Variants in SLC22A24 observed in about 807,000 individuals in gnomAD.
SLC22A24 encodes the protein steroid transmembrane transporter SLC22A24.
SLC22A24 carries 53 observed loss-of-function variants against 49.8 expected under a neutral mutation model. That is an observed-to-expected ratio of 1.06 (90% confidence interval 0.85 to 1.34). The LOEUF (loss-of-function observed/expected upper bound fraction) is 1.34. Ranked by LOEUF, SLC22A24 falls within the 40% of genes most tolerant of loss-of-function variation. The pLI, the probability that SLC22A24 is intolerant of heterozygous loss-of-function variation, is 0.00. For missense variants in SLC22A24, 786 were observed against 675.9 expected (o/e 1.16, Z -1.81); for synonymous variants, 302 against 256.4 (o/e 1.18, Z -1.70).
At position 63,143,587 on chromosome 11, in the gene SLC22A24, C is replaced by G. The variant is rs370028693; in HGVS notation, c.193G>C (p.Gly65Arg). The G allele has an allele frequency of 1.9e-6, 3 of 1,569,312 alleles. No individual in the cohort carries two copies. The highest frequency in any genetic ancestry group is 2.6e-6 in the Non-Finnish European group (3 of 1,158,850). ...AGGAGGTCATCCTTGCTGAGGGTCC[C>G]GGTATCATTGTCAGACACAGTGTCA... ...DNDTVSDNDT[G>R]TLSKDDLLRI... is the part of the protein sequence containing the mutation. The change falls in exon 1 of 10, where the codon GGG becomes CGG. Residue 65 changes from glycine to arginine, a missense_variant. Coordinates refer to ENST00000612278, the MANE Select transcript of SLC22A24 (RefSeq NM_001136506.2).
intron 6 of SLC22A24, among the ~76,000 whole-genome samples, chr11:63,084,409 A>G (rs1297079668): frequency 6.6e-6 from 1 of 152,192 alleles, no homozygotes; most frequent in Non-Finnish European, 1.5e-5. Flanking sequence ...CCTCTGTGGA[A>G]AGAGGAAAGG....
At chr11:63,096,142 A>ATGTGTTGTGTG (rs2087053581) in intron 5 of SLC22A24, 36 bp from the exon 6 acceptor site, 1 of 1,300,750 alleles carries the variant, frequency 7.7e-7, no homozygotes, top group Non-Finnish European at 1.1e-6. Context: ...CATTTGTGAG[A>ATGTGTTGTGTG]TGTCAATAAT....
chr11:63,101,134 A>G (rs1389421984), intron 5 of SLC22A24, among the ~76,000 whole-genome samples: 1 of 152,090 alleles, frequency 6.6e-6, no homozygotes. Flanking sequence ...GGGAGAAAAT[A>G]TTTGCAAACT....
rs889766705 is a variant in SLC22A24, at chr11:63,081,094, G to A, written c.1424C>T (p.Ser475Phe). The change falls in exon 9 of 10, where the codon TCC becomes TTC. Residue 475 changes from serine (S) to phenylalanine (F), a missense_variant. By Grantham distance (155) the Ser-to-Phe change is radical (BLOSUM62 -2). Coordinates refer to ENST00000612278, the MANE Select transcript of SLC22A24 (RefSeq NM_001136506.2). ...RSTVAGINAV[S>F]GRTGAALAPL... ...AGCCAGTGCTGCCCCAGTCCTACCG[G>A]ACACTGCATTGATTCCTGCAACTGT... 29 of 1,551,482 alleles carry A rather than the reference G, an allele frequency of 1.9e-5. No homozygotes were observed. Among genetic ancestry groups the A allele is most frequent in the Non-Finnish European group, 2.3e-5 (26 of 1,146,926 alleles).
rs981510296 is a variant in SLC22A24 at position 63,143,241 on chromosome 11, C to T, written c.402+137G>A. On this transcript the variant is annotated intron_variant, in intron 1 of 9. Coordinates refer to ENST00000612278, the MANE Select transcript of SLC22A24 (RefSeq NM_001136506.2). ...AGTATTAATAGATAATCAGGTGCTG[C>T]CACCTGCTAAAGGAATGAAGAATGA... is the stretch of plus-strand genomic sequence containing the variant. The T allele has an allele frequency of 3.8e-5, 23 of 609,444 alleles. No individual in the cohort carries two copies. In the East Asian group the frequency reaches 7.5e-4, roughly 20 times the overall value. The allele number at this position is 609,444 out of a possible 1,614,324, so 37.8% of individuals were successfully genotyped here. A position where few individuals can be genotyped will look rare whatever the true frequency, so the allele number is the denominator to read the frequency against.
intron 4 of SLC22A24, among the ~76,000 whole-genome samples, chr11:63,111,371 G>C (rs981107438): frequency 6.6e-6 from 1 of 151,870 alleles, no homozygotes; most frequent in Non-Finnish European, 1.5e-5. Flanking sequence ...CATAAAATGA[G>C]TTAGGGAGGA....
At chr11:63,116,228 G>C (rs2087212185) in intron 4 of SLC22A24, 2 of 347,126 alleles carry the variant, frequency 5.8e-6, no homozygotes, top group Non-Finnish European at 1.1e-5. Flanking sequence ...TCAGGAACTT[G>C]GGGTCCACAC....
rs146104176 is a variant in SLC22A24 at position 63,081,774 on chromosome 11, G to T, written c.1286-108C>A. 2,198 of 729,992 alleles carry T rather than the reference G, an allele frequency of 3.0e-3. 12 individuals are homozygous for T. Among genetic ancestry groups the T allele is most frequent in the Non-Finnish European group, 4.7e-3 (1,944 of 413,232 alleles). The allele number at this position is 729,992 out of a possible 1,614,324, so 45.2% of individuals were successfully genotyped here. ...GGAATTTGCAAGTGTGAAATATGTG[G>T]TAGACAAACTGCAACATGCCAGAGA... On this transcript the variant is annotated intron_variant, in intron 7 of 9. Transcript: ENST00000612278.
chr11:63,082,488 G>A (rs528370049), intron 7 of SLC22A24, among the ~76,000 whole-genome samples: 158 of 152,190 alleles, frequency 1.0e-3, no homozygotes, highest in Non-Finnish European at 2.1e-3. Context: ...TGCTCTGGGA[G>A]ATGAGTGGAA....
chr11:63,135,975 G>T (rs188964833), intron 1 of SLC22A24, among the ~76,000 whole-genome samples: 27 of 152,302 alleles, frequency 1.8e-4, no homozygotes, highest in African/African-American at 6.5e-4. Context: ...AGTTGCCAAA[G>T]AACTCAGCGT....
intron 2 of SLC22A24, among the ~76,000 whole-genome samples, chr11:63,121,444 T>C (rs943809720): frequency 2.0e-5 from 3 of 152,080 alleles, no homozygotes; most frequent in Admixed American, 1.3e-4. Context: ...GGGATCACTA[T>C]GAAGAACTAT....
At chr11:63,110,937 G>T (rs1021717285) in intron 4 of SLC22A24, among the ~76,000 whole-genome samples, 1 of 151,700 alleles carries the variant, frequency 6.6e-6, no homozygotes, top group Middle Eastern at 3.2e-3. Context: ...AGTTTTCAAA[G>T]GGAATGCTTC....
rs118061655 is a variant in SLC22A24, at chr11:63,090,627, G to A, written c.1070+5364C>T. Among the ~76,000 whole-genome samples, 1,312 of 148,722 alleles carry A rather than the reference G, an allele frequency of 8.8e-3. 5 individuals are homozygous for A. Among genetic ancestry groups the A allele is most frequent in the Non-Finnish European group, 0.015 (1,004 of 67,422 alleles). On this transcript the variant is annotated intron_variant, in intron 6 of 9. Coordinates refer to ENST00000612278, the MANE Select transcript of SLC22A24 (RefSeq NM_001136506.2). ...CTACTGGGTAAATAATGAAATTAAG[G>A]CAGAAATGAAGTTCTTTGCCCCAGA...
chr11:63,104,452 A>T (rs569020435), intron 4 of SLC22A24, among the ~76,000 whole-genome samples, 154 bp from the exon 5 acceptor site: 1 of 152,260 alleles, frequency 6.6e-6, no homozygotes, highest in South Asian at 2.1e-4. Flanking sequence ...CTGGACTCCT[A>T]GGGTGAAGGA....
At chr11:63,111,225 T>C (rs1156270111) in intron 4 of SLC22A24, among the ~76,000 whole-genome samples, 1 of 151,874 alleles carries the variant, frequency 6.6e-6, no homozygotes, top group Non-Finnish European at 1.5e-5. Context: ...GATAAGCTTT[T>C]TGATGTGCTG....
chr11:63,119,210 A>G lies in SLC22A24; in HGVS notation c.632T>C (p.Met211Thr). 1 of 1,547,572 alleles carries G rather than the reference A, an allele frequency of 6.5e-7. No homozygotes were observed. ...AATAAAAGTGTTTCCCAAAATAGTC[A>G]TGGTGGAGAACCCTGCCAAGAAGCG... ...ILRFLAGFSTMTILGNTFILS... is the reference protein window; with the variant it reads ...ILRFLAGFSTTTILGNTFILS... Residue 211 changes from methionine (M) to threonine (T), a missense_variant, in exon 3 of 10, where the codon ATG becomes ACG. Transcript: ENST00000612278.
chr11:63,109,950 A>G (rs1435911547), intron 4 of SLC22A24, among the ~76,000 whole-genome samples: 1 of 152,132 alleles, frequency 6.6e-6, no homozygotes, highest in Non-Finnish European at 1.5e-5. Context: ...GGTAATGCCT[A>G]GGATTTCTTC....
At chr11:63,140,162 A>G (rs537456504) in intron 1 of SLC22A24, among the ~76,000 whole-genome samples, 1 of 149,390 alleles carries the variant, frequency 6.7e-6, no homozygotes, top group East Asian at 2.0e-4. Flanking sequence ...GCTCATTGCA[A>G]CTGCTGCCTC....
At position 63,118,986 on chromosome 11, in the gene SLC22A24, AG is replaced by A; in HGVS notation, c.755del (p.Ala252ValfsTer12). 6.4e-7 allele frequency: 1 copy of A among 1,551,912 alleles called. No homozygotes were observed. Among genetic ancestry groups the A allele is most frequent in the Non-Finnish European group, 8.7e-7 (1 of 1,147,004 alleles). ...ATATGTGCCAGTCCTGAATGGCAAA[AG>A]CCAGCCCTCCTAGGAGCATCTGCCC... ...SVGQMLLGGLAFAIQDWHILQ... is the reference protein window; with the variant it reads ...SVGQMLLGGLXFAIQDWHILQ... On this transcript the variant is annotated frameshift_variant, in exon 4 of 10. Coordinates refer to ENST00000612278, the MANE Select transcript of SLC22A24 (RefSeq NM_001136506.2). LOFTEE classifies it high-confidence loss of function.
Sources: allele counts gnomAD v4.1 joint callset (sites outside exome capture counted in the v4.1 genomes callset), GRCh38; gene constraint gnomAD v4.1.1; transcripts MANE v1.5; gene names NCBI Gene and HGNC (gene_info 2026-07-23, HGNC 2026-07-21).